Variants in NTRK3 observed in about 807,000 individuals in gnomAD.
NTRK3 encodes neurotrophic receptor tyrosine kinase 3, also known as NT-3 growth factor receptor.
In NTRK3, 24 loss-of-function variants were observed where a neutral mutation model predicts 91.7. The ratio of observed to expected loss-of-function variants is 0.26; its 90% CI spans 0.19 to 0.37. NTRK3 has a LOEUF of 0.37. NTRK3 is among the 10% of genes least tolerant of loss of function. NTRK3 has a pLI of 1.00. For synonymous variants in NTRK3, 483 were observed against 404.0 expected, an observed-to-expected ratio of 1.20 and a Z score of -2.34; for missense variants, 880 against 1,068.9, an observed-to-expected ratio of 0.82 and a Z score of 2.46.
intron 13 of NTRK3, among the ~76,000 whole-genome samples, chr15:88,062,965 G>C (rs546218949): frequency 6.6e-6 from 1 of 152,338 alleles, no homozygotes; most frequent in South Asian, 2.1e-4. Flanking sequence ...GTAAAGATGT[G>C]TGGTGAGTAG....
At chr15:87,983,471 T>C (rs1397608781) in intron 14 of NTRK3, among the ~76,000 whole-genome samples, 1 of 152,196 alleles carries the variant, frequency 6.6e-6, no homozygotes, top group East Asian at 1.9e-4. Context: ...ATCAGACATG[T>C]TGCTGATAGC....
chr15:88,223,669 G>A lies in NTRK3; in HGVS notation c.248+32237C>T, dbSNP rs140858532. Among the ~76,000 whole-genome samples the A allele has an allele frequency of 7.2e-5, 11 of 152,314 alleles. No individual in the cohort carries two copies. In the East Asian group the frequency reaches 1.9e-3, roughly 27 times the overall value. On this transcript the variant is annotated intron_variant, in intron 3 of 18. Transcript: ENST00000394480. Reference sequence around the variant, plus strand: ...ACTCAACCTTTTGGGGTCTTCCTCTGTGTTTCCTTATATATGTAATGGGCA... The same window carrying A: ...ACTCAACCTTTTGGGGTCTTCCTCTATGTTTCCTTATATATGTAATGGGCA...
intron 3 of NTRK3, among the ~76,000 whole-genome samples, chr15:88,251,092 G>A (rs888175906): frequency 6.6e-6 from 1 of 152,156 alleles, no homozygotes; most frequent in Non-Finnish European, 1.5e-5. Flanking sequence ...TGTTAAATAT[G>A]CCATTTGGTC....
intron 13 of NTRK3, among the ~76,000 whole-genome samples, chr15:88,093,287 A>G (rs1159744498): frequency 3.3e-5 from 5 of 151,940 alleles, no homozygotes; most frequent in Non-Finnish European, 7.4e-5. Context: ...TTCTGTCTGC[A>G]GGGAGTGGGA....
intron 10 of NTRK3, among the ~76,000 whole-genome samples, chr15:88,131,102 T>C (rs935773350): frequency 6.6e-6 from 1 of 152,270 alleles, no homozygotes; most frequent in Non-Finnish European, 1.5e-5. Context: ...TTAGAGTTTC[T>C]AATTCAGTAG....
chr15:88,091,136 T>C (rs1312373605), intron 13 of NTRK3, among the ~76,000 whole-genome samples: 2 of 152,138 alleles, frequency 1.3e-5, no homozygotes, highest in African/African-American at 4.8e-5. Flanking sequence ...CCATGCTAAA[T>C]TGGGAACCCG....
chr15:87,900,471 C>A (rs973932724), intron 17 of NTRK3, among the ~76,000 whole-genome samples: 3 of 152,170 alleles, frequency 2.0e-5, no homozygotes, highest in Non-Finnish European at 2.9e-5. Flanking sequence ...ACTAGTGTGC[C>A]ATCCTGTGGT....
chr15:87,873,877 G>T (rs1275096241), exon 19 of NTRK3: 1 of 230,834 alleles, frequency 4.3e-6, no homozygotes, highest in Non-Finnish European at 8.6e-6. Flanking sequence ...TTGGAACTCA[G>T]CCTTGCCCAG....
chr15:88,074,418 G>A (rs1373323970), intron 13 of NTRK3, among the ~76,000 whole-genome samples: 1 of 152,178 alleles, frequency 6.6e-6, no homozygotes, highest in Non-Finnish European at 1.5e-5. Flanking sequence ...TTTCATTTTA[G>A]TTAATTTAAA....
chr15:87,892,083 A>AACACACATACACAC (rs2065881423), intron 17 of NTRK3, among the ~76,000 whole-genome samples: 2 of 141,344 alleles, frequency 1.4e-5, no homozygotes, highest in African/African-American at 5.6e-5. Flanking sequence ...CCCCATCCCC[A>AACACACATACACAC]ACACACACAC....
At chr15:88,248,591 G>C (rs574991431) in intron 3 of NTRK3, among the ~76,000 whole-genome samples, 1 of 152,214 alleles carries the variant, frequency 6.6e-6, no homozygotes, top group East Asian at 1.9e-4. Flanking sequence ...TTGCAAAAGA[G>C]CATAGGCAGT....
intron 3 of NTRK3, among the ~76,000 whole-genome samples, chr15:88,213,769 C>T (rs965645639): frequency 1.3e-5 from 2 of 152,138 alleles, no homozygotes; most frequent in Non-Finnish European, 2.9e-5. Context: ...CCTAAGGTCA[C>T]ACAGCTTAAG....
intron 3 of NTRK3, among the ~76,000 whole-genome samples, chr15:88,212,925 A>G (rs1382524248): frequency 6.6e-6 from 1 of 152,198 alleles, no homozygotes; most frequent in Admixed American, 6.5e-5. Flanking sequence ...AGTCAGAAAC[A>G]GCCCCAGGAA....
intron 14 of NTRK3, chr15:87,977,895 T>A: frequency 8.6e-6 from 2 of 232,732 alleles, no homozygotes; most frequent in Non-Finnish European, 1.7e-5. Flanking sequence ...CCAGTTAAAT[T>A]TGCCAAAGGC....
chr15:88,107,965 C>T (rs1416446680), intron 13 of NTRK3, among the ~76,000 whole-genome samples: 2 of 152,002 alleles, frequency 1.3e-5, no homozygotes, highest in Non-Finnish European at 1.5e-5. Flanking sequence ...AAGCGACATC[C>T]TAGAGATACA....
At chr15:88,175,812 C>G (rs1307722594) in intron 5 of NTRK3, among the ~76,000 whole-genome samples, 1 of 152,120 alleles carries the variant, frequency 6.6e-6, no homozygotes, top group Non-Finnish European at 1.5e-5. Flanking sequence ...GTAACTTGCC[C>G]AAGATATACA....
At chr15:88,046,779 T>C (rs1227248619) in intron 13 of NTRK3, among the ~76,000 whole-genome samples, 1 of 152,086 alleles carries the variant, frequency 6.6e-6, no homozygotes, top group Non-Finnish European at 1.5e-5. Flanking sequence ...GGCTCACTCA[T>C]CCCTTTCACA....
chr15:87,867,939 A>G (rs1479640666), exon 19 of NTRK3: 1 of 228,434 alleles, frequency 4.4e-6, no homozygotes, highest in Non-Finnish European at 8.7e-6. Flanking sequence ...AAAGAAACTC[A>G]AGATGTAGTC....
intron 10 of NTRK3, among the ~76,000 whole-genome samples, chr15:88,133,046 C>T (rs765829761): frequency 1.3e-5 from 2 of 152,112 alleles, no homozygotes; most frequent in African/African-American, 2.4e-5. Flanking sequence ...AGCTGCTAGA[C>T]CCCACCCTGG....
Sources: allele counts gnomAD v4.1 joint callset (sites outside exome capture counted in the v4.1 genomes callset), GRCh38; gene constraint gnomAD v4.1.1; transcripts MANE v1.5; gene names NCBI Gene and HGNC (gene_info 2026-07-23, HGNC 2026-07-21).